The following HIVEP1 variants were observed in gnomAD, a reference collection of about 807,000 sequenced individuals.
HIVEP1 encodes zinc finger protein 40.
A neutral mutation model predicts 180.0 loss-of-function variants in HIVEP1; 36 were observed. The ratio of observed to expected loss-of-function variants is 0.20; its 90% CI spans 0.15 to 0.26. HIVEP1 has a LOEUF of 0.26. HIVEP1 is among the 10% of genes least tolerant of loss of function. The pLI is 1.00. For missense variants in HIVEP1, 3,143 were observed against 3,268.7 expected (o/e 0.96, Z 0.94); for synonymous variants, 1,239 against 1,239.0 (o/e 1.00, Z 0.00).
At chr6:12,092,231 C>T (rs1313017145) in intron 3 of HIVEP1, among the ~76,000 whole-genome samples, 1 of 152,046 alleles carries the variant, frequency 6.6e-6, no homozygotes, top group Admixed American at 6.6e-5. Flanking sequence ...CATTTCAGTC[C>T]TTTTAAAAAA....
At chr6:12,070,615 C>T (rs963803420) in intron 2 of HIVEP1, among the ~76,000 whole-genome samples, 7 of 152,134 alleles carry the variant, frequency 4.6e-5, no homozygotes, top group Admixed American at 3.9e-4. Context: ...TTATGGAATG[C>T]TTGACTGGAT....
intron 2 of HIVEP1, among the ~76,000 whole-genome samples, chr6:12,023,494 A>G (rs911244965): frequency 1.3e-5 from 2 of 152,232 alleles, no homozygotes; most frequent in African/African-American, 4.8e-5. Flanking sequence ...AAACAAAAGA[A>G]ATTCTCTATA....
intron 3 of HIVEP1, among the ~76,000 whole-genome samples, chr6:12,114,912 G>A (rs555199147): frequency 1.4e-4 from 21 of 152,270 alleles, no homozygotes; most frequent in East Asian, 7.7e-4. Flanking sequence ...CCTTCTGGCC[G>A]AGCATGATCT....
chr6:12,016,624 G>C (rs191677984), intron 2 of HIVEP1, among the ~76,000 whole-genome samples: 3 of 152,332 alleles, frequency 2.0e-5, no homozygotes, highest in Non-Finnish European at 2.9e-5. Flanking sequence ...AATAGTGCTT[G>C]TTTCCTGTCT....
the HIVEP1 span, among the ~76,000 whole-genome samples, chr6:12,197,771 A>C: frequency 6.6e-6 from 1 of 152,136 alleles, no homozygotes; most frequent in East Asian, 1.9e-4. Context: ...ATAATGAATT[A>C]AGATGGTAGA....
intron 7 of HIVEP1, among the ~76,000 whole-genome samples, chr6:12,141,050 C>T (rs1202117766): frequency 6.6e-6 from 1 of 151,974 alleles, no homozygotes; most frequent in East Asian, 1.9e-4. Context: ...GAAGAGCAAC[C>T]GCAAGACACA....
At chr6:12,082,827 G>A (rs973094688) in intron 2 of HIVEP1, among the ~76,000 whole-genome samples, 2 of 152,138 alleles carry the variant, frequency 1.3e-5, no homozygotes, top group Non-Finnish European at 2.9e-5. Flanking sequence ...CCGGCACACA[G>A]GAGCTAATGA....
At chr6:12,082,974 G>C (rs946539591) in intron 2 of HIVEP1, among the ~76,000 whole-genome samples, 1 of 152,116 alleles carries the variant, frequency 6.6e-6, no homozygotes, top group African/African-American at 2.4e-5. Flanking sequence ...TGAGCACATT[G>C]TTAGCTTTTA....
At chr6:12,088,860 G>A (rs1773277972) in intron 2 of HIVEP1, among the ~76,000 whole-genome samples, 1 of 152,054 alleles carries the variant, frequency 6.6e-6, no homozygotes, top group Admixed American at 6.6e-5. Context: ...TAGGTACTTT[G>A]TATGTAAAGA....
chr6:12,086,627 A>G (rs1352394848), intron 2 of HIVEP1, among the ~76,000 whole-genome samples: 5 of 151,932 alleles, frequency 3.3e-5, no homozygotes, highest in African/African-American at 1.2e-4. Flanking sequence ...GGCAAAAAGG[A>G]TGTGTTGGAA....
At chr6:12,136,762 T>C (rs3777771) in intron 7 of HIVEP1, among the ~76,000 whole-genome samples, 17,346 of 152,220 alleles carry the variant, frequency 0.11, 1,123 homozygotes, top group Middle Eastern at 0.18. Flanking sequence ...TGTTAACAAA[T>C]TTAAGTATTT....
chr6:12,055,832 G>A (rs992003598), intron 2 of HIVEP1, among the ~76,000 whole-genome samples: 6 of 152,220 alleles, frequency 3.9e-5, no homozygotes, highest in East Asian at 1.9e-4. Context: ...GGAGATAAAC[G>A]TGCTTGGTCC....
intron 7 of HIVEP1, among the ~76,000 whole-genome samples, chr6:12,160,781 T>G (rs140893588): frequency 6.6e-6 from 1 of 152,278 alleles, no homozygotes; most frequent in East Asian, 1.9e-4. Flanking sequence ...AGTGCCACAT[T>G]ACTAGGTTAA....
In HIVEP1 at chr6:12,044,860, A is replaced by G. The variant is rs116657692; in HGVS notation, c.40+29192A>G. ...GGGCTTGCTGTGCATGTGTGTTTGC[A>G]GTGAAGTGCCTCAGCCAGTTCCTCC... On this transcript the variant is annotated intron_variant, in intron 2 of 8. Coordinates refer to ENST00000379388, the MANE Select transcript of HIVEP1 (RefSeq NM_002114.4). Among the ~76,000 whole-genome samples the G allele has an allele frequency of 4.4e-3, 674 of 152,328 alleles. 5 individuals are homozygous for G. Among genetic ancestry groups the G allele is most frequent in the African/African-American group, 0.015 (634 of 41,568 alleles).
intron 7 of HIVEP1, 50 bp downstream of exon 7, chr6:12,135,942 T>C: frequency 7.8e-7 from 1 of 1,288,366 alleles, no homozygotes; most frequent in South Asian, 1.2e-5. Flanking sequence ...AATGTACAAT[T>C]TTTTTGCTTC....
chr6:12,059,575 C>T (rs748948552), intron 2 of HIVEP1, among the ~76,000 whole-genome samples: 1 of 152,194 alleles, frequency 6.6e-6, no homozygotes, highest in African/African-American at 2.4e-5. Context: ...CACATCCCTC[C>T]GGTGGTGCTC....
At position 12,136,628 on chromosome 6, in the gene HIVEP1, G is replaced by T. The variant is rs73724363; in HGVS notation, c.6487+736G>T. ...GTGAGTGCTTAACGTGTGCTCACCA[G>T]AAGCACTTAGCGCAGTGCCTTGCAC... On this transcript the variant is annotated intron_variant, in intron 7 of 8. Coordinates refer to ENST00000379388, the MANE Select transcript of HIVEP1 (RefSeq NM_002114.4). 5.8e-3 allele frequency among the ~76,000 whole-genome samples: 888 copies of T among 152,344 alleles called. 6 individuals are homozygous for T. Among genetic ancestry groups the T allele is most frequent in the African/African-American group, 0.02 (850 of 41,584 alleles).
intron 2 of HIVEP1, among the ~76,000 whole-genome samples, chr6:12,083,543 A>G (rs547721410): frequency 8.6e-4 from 131 of 152,204 alleles, no homozygotes; most frequent in Middle Eastern, 3.4e-3. Context: ...CTGCTGCTCT[A>G]GGGTTAGGAA....
intron 1 of HIVEP1, among the ~76,000 whole-genome samples, chr6:12,015,069 A>G (rs1328095263): frequency 6.6e-6 from 1 of 152,222 alleles, no homozygotes; most frequent in Non-Finnish European, 1.5e-5. Context: ...GGGAAGCAGA[A>G]AGTGTGGTCC....
Sources: allele counts gnomAD v4.1 joint callset (sites outside exome capture counted in the v4.1 genomes callset), GRCh38; gene constraint gnomAD v4.1.1; transcripts MANE v1.5; gene names NCBI Gene and HGNC (gene_info 2026-07-23, HGNC 2026-07-21).